RBM27: variants seen among roughly 807,000 people sequenced by gnomAD.
The protein encoded by RBM27 is RNA binding motif protein 27.
In RBM27, 22 loss-of-function variants were observed where a neutral mutation model predicts 135.3. The ratio of observed to expected loss-of-function variants is 0.16; its 90% CI spans 0.12 to 0.23. The LOEUF (loss-of-function observed/expected upper bound fraction) is 0.23, where lower values mean the gene tolerates loss of function less well. Ranked by LOEUF, RBM27 falls within the 10% of genes least tolerant of loss-of-function variation. The pLI is 1.00. For synonymous variants in RBM27, 481 were observed against 442.4 expected, an observed-to-expected ratio of 1.09 and a Z score of -1.10; for missense variants, 1,009 against 1,281.0, an observed-to-expected ratio of 0.79 and a Z score of 3.24.
At position 146,203,784 on chromosome 5, in the gene RBM27, G is replaced by T; in HGVS notation, c.19G>T (p.Asp7Tyr). Residue 7 changes from aspartate to tyrosine, a missense_variant, in exon 1 of 21, where the codon GAT becomes TAT. Asp to Tyr is a radical substitution (Grantham distance 160). Around this residue, in one of 6 missense-constraint regions of RBM27, gnomAD observed 268 missense variants for 326.6 expected, o/e 0.82. Transcript: ENST00000265271. The part of the protein sequence containing the change: MLIEDV[D>Y]ALKSWLAKLL... ...CTGCACCATGCTCATAGAGGATGTG[G>T]ATGCCCTCAAGTCCTGGCTGGCCAA... The T allele has an allele frequency of 6.4e-7, 1 of 1,550,398 alleles. No homozygotes were observed. Among genetic ancestry groups the T allele is most frequent in the South Asian group, 1.2e-5 (1 of 83,960 alleles).
chr5:146,277,705 T>C (rs960551217), intron 19 of RBM27, among the ~76,000 whole-genome samples: 2 of 150,706 alleles, frequency 1.3e-5, no homozygotes, highest in African/African-American at 4.9e-5. Context: ...TTTTTTTTTT[T>C]GTATTTTTAG....
Position 146,269,588 on chromosome 5 carries a change from T to A in RBM27, c.2691+4T>A, listed in dbSNP as rs1758772952. 6.6e-7 allele frequency: 1 copy of A among 1,521,236 alleles called. No homozygotes were observed. Among genetic ancestry groups the A allele is most frequent in the Non-Finnish European group, 8.8e-7 (1 of 1,142,410 alleles). The allele number at this position is 1,521,236 out of a possible 1,614,324, so 94.2% of individuals were successfully genotyped here. On this transcript the variant is annotated splice_donor_region_variant and intron_variant, in intron 17 of 20. Coordinates refer to ENST00000265271, the MANE Select transcript of RBM27 (RefSeq NM_018989.2). ...TAAAGTGAAGACAAAAACGGAGGTA[T>A]CTATTTGCATTTTTTATTTAACATA...
chr5:146,279,898 A>G (rs987295343), intron 19 of RBM27, among the ~76,000 whole-genome samples: 1 of 151,854 alleles, frequency 6.6e-6, no homozygotes, highest in Non-Finnish European at 1.5e-5. Flanking sequence ...CACTATTCTT[A>G]GGTATCTTTA....
chr5:146,251,815 C>G lies in RBM27; in HGVS notation c.1384C>G (p.Leu462Val). 1.9e-6 allele frequency: 3 copies of G among 1,614,132 alleles called. No homozygotes were observed. Among genetic ancestry groups the G allele is most frequent in the Non-Finnish European group, 2.5e-6 (3 of 1,180,008 alleles). ...AGCTCGTTTGGTGCCACCTCGAAAC[C>G]TCATGGGATCCTCCATTGGATACCA... The part of the protein sequence containing the change: ...LAARLVPPRN[L>V]MGSSIGYHTS... The change falls in exon 9 of 21, where the codon CTC becomes GTC. Residue 462 changes from leucine (L) to valine (V), a missense_variant. Leu to Val is a conservative substitution (Grantham distance 32). Coordinates refer to ENST00000265271, the MANE Select transcript of RBM27 (RefSeq NM_018989.2).
Position 146,261,629 on chromosome 5 carries a change from G to C in RBM27, c.2013G>C (p.Trp671Cys). The change falls in exon 13 of 21, where the codon TGG (tryptophan) becomes TGC (cysteine). Residue 671 changes from tryptophan (W) to cysteine (C), a missense_variant. Physicochemically the swap from Trp to Cys is radical, Grantham distance 215. Around this residue, in one of 6 missense-constraint regions of RBM27, gnomAD observed 34 missense variants for 82.8 expected, o/e 0.41. Transcript: ENST00000265271. ...VLNNRFIRVLWHRENNEQPTL... is the reference protein window; with the variant it reads ...VLNNRFIRVLCHRENNEQPTL... ...ACAACCGATTCATTCGAGTCTTGTG[G>C]CATAGGGAAAATAATGAGCAACCGA... 6.2e-7 allele frequency: 1 copy of C among 1,614,194 alleles called. No homozygotes were observed. The highest frequency in any genetic ancestry group is 8.5e-7 in the Non-Finnish European group (1 of 1,180,048).
intron 4 of RBM27, 123 bp downstream of exon 4, chr5:146,229,160 A>G (rs1251235926): frequency 1.6e-5 from 11 of 680,730 alleles, no homozygotes; most frequent in East Asian, 2.8e-5. Context: ...TTAAAGAAAG[A>G]TGTTACCTTT....
At chr5:146,217,155 C>T (rs1042536669) in intron 1 of RBM27, among the ~76,000 whole-genome samples, 5 of 151,920 alleles carry the variant, frequency 3.3e-5, no homozygotes, top group Non-Finnish European at 7.4e-5. Flanking sequence ...TTAGTAGAGA[C>T]GGGGTTTCGT....
At chr5:146,208,183 C>G in intron 1 of RBM27, among the ~76,000 whole-genome samples, 1 of 151,638 alleles carries the variant, frequency 6.6e-6, no homozygotes, top group South Asian at 2.1e-4. Flanking sequence ...TCTCAAACCC[C>G]TGACCTCGTG....
intron 1 of RBM27, among the ~76,000 whole-genome samples, chr5:146,206,151 G>C (rs1252348405): frequency 6.6e-6 from 1 of 152,146 alleles, no homozygotes; most frequent in Non-Finnish European, 1.5e-5. Flanking sequence ...GACAAGTTTA[G>C]TTTTGTTGGT....
At chr5:146,223,006 CT>C (rs1028408456) in intron 2 of RBM27, among the ~76,000 whole-genome samples, 1 of 151,970 alleles carries the variant, frequency 6.6e-6, no homozygotes, top group Non-Finnish European at 1.5e-5. Context: ...TTTTCAGTTT[CT>C]TTATGCAGAT....
intron 8 of RBM27, among the ~76,000 whole-genome samples, chr5:146,250,830 G>T (rs1308250979): frequency 1.5e-5 from 2 of 130,368 alleles, no homozygotes; most frequent in Non-Finnish European, 3.1e-5. Flanking sequence ...AGGTTGGAGT[G>T]CAGTGGCACG....
chr5:146,264,128 C>CA (rs1342492773), intron 14 of RBM27, among the ~76,000 whole-genome samples: 1 of 150,680 alleles, frequency 6.6e-6, no homozygotes, highest in African/African-American at 2.4e-5. Flanking sequence ...ACACAAAAAA[C>CA]AAAAACCAAG....
chr5:146,264,754 TAGAC>T (rs1266856026), intron 14 of RBM27, among the ~76,000 whole-genome samples: 3 of 149,660 alleles, frequency 2.0e-5, no homozygotes, highest in Non-Finnish European at 4.4e-5. Context: ...GACTCATGAA[TAGAC>T]AGACTAGTGG....
intron 11 of RBM27, among the ~76,000 whole-genome samples, chr5:146,260,263 C>T (rs1758333298): frequency 6.6e-6 from 1 of 151,292 alleles, no homozygotes; most frequent in South Asian, 2.1e-4. Flanking sequence ...TGTTCCACGG[C>T]ACTCCAGCCT....
chr5:146,229,027 A>C lies in RBM27; in HGVS notation c.385A>C (p.Ser129Arg). The C allele has an allele frequency of 6.2e-7, 1 of 1,612,856 alleles. No individual in the cohort carries two copies. The highest frequency in any genetic ancestry group is 8.5e-7 in the Non-Finnish European group (1 of 1,179,058). ...TCCCCAGAAGACTCGTTCAGAATCT[A>C]GTGAACGAAGGTTTGTGTTTATCTT... ...PSPQKTRSES[S>R]ERRTREKKRE... Residue 129 changes from serine (S) to arginine (R), a missense_variant, in exon 4 of 21, where the codon AGT becomes CGT. Ser to Arg is a moderately radical substitution (Grantham distance 110). Around this residue, in one of 6 missense-constraint regions of RBM27, gnomAD observed 268 missense variants for 326.6 expected, o/e 0.82. Coordinates refer to ENST00000265271, the MANE Select transcript of RBM27 (RefSeq NM_018989.2).
intron 1 of RBM27, among the ~76,000 whole-genome samples, chr5:146,212,536 A>T (rs912732319): frequency 7.2e-5 from 11 of 151,756 alleles, no homozygotes; most frequent in South Asian, 6.2e-4. Context: ...TTATTTTTTT[A>T]GAGATGGAGG....
intron 19 of RBM27, among the ~76,000 whole-genome samples, chr5:146,277,794 A>G (rs953017812): frequency 1.3e-5 from 2 of 151,590 alleles, no homozygotes; most frequent in African/African-American, 4.9e-5. Context: ...CGGCCTCCCA[A>G]AGTGCTGGGA....
intron 17 of RBM27, among the ~76,000 whole-genome samples, chr5:146,269,910 C>G (rs529359200): frequency 2.6e-5 from 4 of 152,030 alleles, no homozygotes; most frequent in Non-Finnish European, 5.9e-5. Context: ...TGTAGATGCT[C>G]TGTACCCTTT....
At chr5:146,225,870 C>A (rs1756651883) in intron 3 of RBM27, among the ~76,000 whole-genome samples, 1 of 151,268 alleles carries the variant, frequency 6.6e-6, no homozygotes, top group Non-Finnish European at 1.5e-5. Flanking sequence ...GGCCACCTTT[C>A]TGGTTTTTTT....
Sources: allele counts gnomAD v4.1 joint callset (sites outside exome capture counted in the v4.1 genomes callset), GRCh38; gene constraint gnomAD v4.1.1; regional missense constraint gnomAD v4.1.1; transcripts MANE v1.5; gene names NCBI Gene and HGNC (gene_info 2026-07-23, HGNC 2026-07-21).